The following ATF2 variants were observed in gnomAD, a reference collection of about 807,000 sequenced individuals.
ATF2 encodes cyclic AMP-dependent transcription factor ATF-2.
A neutral mutation model predicts 60.6 loss-of-function variants in ATF2; 24 were observed. The observed-to-expected ratio is 0.40, with a 90% CI of 0.29 to 0.56. The LOEUF is 0.56. Among genes scored for constraint, ATF2 ranks in the 20% least tolerant of loss-of-function variants. The pLI, the probability that ATF2 is intolerant of heterozygous loss-of-function variation, is 0.54. For synonymous variants in ATF2, 206 were observed against 215.4 expected (o/e 0.96, Z 0.38); for missense variants, 433 against 607.7 (o/e 0.71, Z 3.02).
intron 12 of ATF2, among the ~76,000 whole-genome samples, chr2:175,089,883 T>C (rs1694426464): frequency 6.6e-6 from 1 of 152,200 alleles, no homozygotes; most frequent in African/African-American, 2.4e-5. Context: ...TACCTATACT[T>C]ACGGAGTCAT....
chr2:175,086,953 T>C (rs1574328388), intron 12 of ATF2, among the ~76,000 whole-genome samples: 1 of 151,934 alleles, frequency 6.6e-6, no homozygotes, highest in Non-Finnish European at 1.5e-5. Flanking sequence ...TAAGTTTCTA[T>C]ACACAGAGAC....
intron 1 of ATF2, among the ~76,000 whole-genome samples, chr2:175,160,643 C>A (rs1401220708): frequency 3.3e-5 from 5 of 152,138 alleles, no homozygotes; most frequent in African/African-American, 1.2e-4. Context: ...GCAGAGACTT[C>A]AAAACAACTT....
chr2:175,110,943 A>G (rs1229198905), intron 10 of ATF2, among the ~76,000 whole-genome samples: 1 of 152,154 alleles, frequency 6.6e-6, no homozygotes. Context: ...CAGATCTTCT[A>G]CTAAGAAAAT....
At chr2:175,134,552 A>G (rs1697997847) in intron 3 of ATF2, among the ~76,000 whole-genome samples, 1 of 152,042 alleles carries the variant, frequency 6.6e-6, no homozygotes, top group Non-Finnish European at 1.5e-5. Context: ...AAAAAAAAAA[A>G]AAAAGAAAGA....
chr2:175,127,868 C>G (rs1422695190), intron 4 of ATF2, among the ~76,000 whole-genome samples: 1 of 152,166 alleles, frequency 6.6e-6, no homozygotes, highest in African/African-American at 2.4e-5. Context: ...CATTAAATAT[C>G]ACATAAATCA....
chr2:175,123,957 A>G (rs1281364663), intron 4 of ATF2, among the ~76,000 whole-genome samples: 1 of 152,082 alleles, frequency 6.6e-6, no homozygotes, highest in East Asian at 1.9e-4. Context: ...CCGTGTGAAA[A>G]GGCAATCTTG....
chr2:175,109,460 C>T (rs1000107401), intron 10 of ATF2, among the ~76,000 whole-genome samples: 5 of 152,060 alleles, frequency 3.3e-5, no homozygotes, highest in Admixed American at 6.5e-5. Flanking sequence ...GTGGACTGAT[C>T]GGAAAGAGAG....
chr2:175,142,720 AGTGTGTGTGTGTGT>A (rs755635658), intron 2 of ATF2, among the ~76,000 whole-genome samples: 1 of 71,098 alleles, frequency 1.4e-5, no homozygotes, highest in Non-Finnish European at 3.1e-5. Flanking sequence ...AGAGAGAGAG[AGTGTGTGTGTGTGT>A]GTGTGTGTGT....
rs537935844 is a variant in ATF2 at position 175,107,849 on chromosome 2, G to A, written c.828+3719C>T. On this transcript the variant is annotated intron_variant, in intron 10 of 13. Transcript: ENST00000264110. Reference sequence around the variant, plus strand: ...CCCCCGAGGTGCCAGGATTGCAGACGGAGTCTCGTTCACTCAGTGCTCAAA... The same window carrying A: ...CCCCCGAGGTGCCAGGATTGCAGACAGAGTCTCGTTCACTCAGTGCTCAAA... Among the ~76,000 whole-genome samples the A allele has an allele frequency of 7.4e-4, 113 of 152,334 alleles. 1 individual carries two copies. The South Asian group carries it at 0.02, about 27-fold the overall frequency.
intron 3 of ATF2, among the ~76,000 whole-genome samples, chr2:175,135,486 T>C (rs1698073635): frequency 6.6e-6 from 1 of 152,164 alleles, no homozygotes; most frequent in African/African-American, 2.4e-5. Context: ...AACCCCACCA[T>C]GAATTGAGCA....
intron 1 of ATF2, among the ~76,000 whole-genome samples, chr2:175,163,916 C>A (rs1700178046): frequency 4.9e-4 from 1 of 2,038 alleles, no homozygotes; most frequent in Non-Finnish European, 1.2e-3. Context: ...GCAACTCCGT[C>A]TCAAAAAAAA....
At chr2:175,122,846 T>A (rs1435279976) in intron 4 of ATF2, among the ~76,000 whole-genome samples, 4 of 152,058 alleles carry the variant, frequency 2.6e-5, no homozygotes, top group Non-Finnish European at 5.9e-5. Flanking sequence ...TAAAGATCAA[T>A]CTGAGGGGGC....
At chr2:175,130,515 G>A (rs1341284813) in intron 3 of ATF2, among the ~76,000 whole-genome samples, 1 of 152,046 alleles carries the variant, frequency 6.6e-6, no homozygotes, top group Admixed American at 6.6e-5. Context: ...AAAATTAAAT[G>A]AGCAAATACT....
At chr2:175,114,613 T>C (rs1696423736) in intron 8 of ATF2, 77 bp downstream of exon 8, 3 of 1,542,966 alleles carry the variant, frequency 1.9e-6, no homozygotes, top group Non-Finnish European at 2.6e-6. Flanking sequence ...GTTTGAATAA[T>C]CAAATGTCTT....
rs201842996 is a variant in ATF2, at chr2:175,154,251, A to T, written c.-142-3093T>A. Among the ~76,000 whole-genome samples the T allele has an allele frequency of 4.3e-3, 640 of 148,950 alleles. 4 individuals are homozygous for T. Among genetic ancestry groups the T allele is most frequent in the African/African-American group, 0.013 (540 of 40,686 alleles). On this transcript the variant is annotated intron_variant, in intron 1 of 13. Coordinates refer to ENST00000264110, the MANE Select transcript of ATF2 (RefSeq NM_001880.4). ...AAAAAAAAAATATATATATATATAT[A>T]TTTTTTACTTTAAAATTATTTTGTT...
In ATF2 at chr2:175,111,530, C is replaced by T. The variant is rs369090780; in HGVS notation, c.828+38G>A. The T allele has an allele frequency of 6.8e-5, 104 of 1,532,272 alleles. No homozygotes were observed. The African/African-American group carries it at 1.2e-3, about 18-fold the overall frequency. The allele number at this position is 1,532,272 out of a possible 1,614,324, so 94.9% of individuals were successfully genotyped here. A position where few individuals can be genotyped will look rare whatever the true frequency, so the allele number is the denominator to read the frequency against. ...TAGTGAAAACATTAATTCAAAACAG[C>T]CTCAAGCAATGTACAGAACAAATAA... is the stretch of plus-strand genomic sequence containing the variant. On this transcript the variant is annotated intron_variant, in intron 10 of 13. Transcript: ENST00000264110.
chr2:175,121,678 G>T, intron 4 of ATF2, 138 bp from the exon 5 acceptor site: 1 of 585,292 alleles, frequency 1.7e-6, no homozygotes, highest in Non-Finnish European at 2.9e-6. Context: ...AAAAGAATCC[G>T]TTATTGTTAG....
chr2:175,154,076 T>C (rs1166919222), intron 1 of ATF2, among the ~76,000 whole-genome samples: 2 of 150,958 alleles, frequency 1.3e-5, no homozygotes, highest in Admixed American at 1.3e-4. Context: ...TTAGCCGGTG[T>C]GGTGGCACAC....
chr2:175,113,331 G>A (rs1194771985), intron 9 of ATF2, among the ~76,000 whole-genome samples: 1 of 148,284 alleles, frequency 6.7e-6, no homozygotes, highest in Non-Finnish European at 1.5e-5. Context: ...ATAGCTCACT[G>A]CAGTCTCAAA....
Sources: allele counts gnomAD v4.1 joint callset (sites outside exome capture counted in the v4.1 genomes callset), GRCh38; gene constraint gnomAD v4.1.1; transcripts MANE v1.5; gene names NCBI Gene and HGNC (gene_info 2026-07-23, HGNC 2026-07-21).